The following KIFAP3 variants were observed in gnomAD, a reference collection of about 807,000 sequenced individuals.
KIFAP3 encodes the protein kinesin associated protein 3.
KIFAP3 carries 68 observed loss-of-function variants against 106.5 expected under a neutral mutation model. The observed-to-expected ratio is 0.64, with a 90% CI of 0.53 to 0.78. The LOEUF is 0.78. KIFAP3 is among the 30% of genes least tolerant of loss of function. KIFAP3 has a pLI of 0.00. For missense variants in KIFAP3, 780 were observed against 941.8 expected (o/e 0.83, Z 2.25); for synonymous variants, 320 against 311.5 (o/e 1.03, Z -0.29).
chr1:170,006,849 T>C (rs1667991108), intron 10 of KIFAP3, among the ~76,000 whole-genome samples: 1 of 152,128 alleles, frequency 6.6e-6, no homozygotes, highest in Admixed American at 6.6e-5. Flanking sequence ...TATTGCTATT[T>C]AGAAGACATC....
At chr1:170,038,546 G>T in intron 4 of KIFAP3, 115 bp from the exon 5 acceptor site, 1 of 1,068,858 alleles carries the variant, frequency 9.4e-7, no homozygotes, top group Non-Finnish European at 1.4e-6. Flanking sequence ...AATTTCCAAA[G>T]AACTCATAGT....
intron 7 of KIFAP3, 26 bp from the exon 8 acceptor site, chr1:170,032,010 ATACTCATT>A (rs11277624): frequency 0.18 from 252,214 of 1,412,932 alleles, 22,914 homozygotes; most frequent in Admixed American, 0.22. Context: ...AGGATCATCC[ATACTCATT>A]GAAGCAAAAA....
At chr1:169,922,328 T>C (rs1662873991) in intron 19 of KIFAP3, among the ~76,000 whole-genome samples, 2 of 152,206 alleles carry the variant, frequency 1.3e-5, no homozygotes, top group Non-Finnish European at 1.5e-5. Context: ...TTGACAAAAT[T>C]TGAAAATTAG....
intron 19 of KIFAP3, among the ~76,000 whole-genome samples, chr1:169,923,431 C>G (rs569670695): frequency 3.9e-5 from 6 of 152,258 alleles, no homozygotes; most frequent in African/African-American, 1.4e-4. Context: ...AGCACTAAGG[C>G]TAACAAGTAA....
intron 17 of KIFAP3, among the ~76,000 whole-genome samples, chr1:169,968,890 A>G (rs1485487604): frequency 6.6e-6 from 1 of 151,900 alleles, no homozygotes; most frequent in Non-Finnish European, 1.5e-5. Context: ...GTATAAAATT[A>G]TGTGTGTATA....
intron 5 of KIFAP3, 50 bp from the exon 6 acceptor site, chr1:170,035,603 T>C: frequency 1.7e-6 from 2 of 1,153,148 alleles, no homozygotes; most frequent in Non-Finnish European, 2.5e-6. Context: ...TGCTCTGGTA[T>C]AAAGGGTGAT....
chr1:170,016,597 C>G lies in KIFAP3; in HGVS notation c.1048G>C (p.Val350Leu), dbSNP rs751268450. 6.3e-7 allele frequency: 1 copy of G among 1,592,812 alleles called. No individual in the cohort carries two copies. The highest frequency in any genetic ancestry group is 8.5e-7 in the Non-Finnish European group (1 of 1,172,768). ...MVEMDIVEKL[V>L]KMIPCEHEDL... ...TCATGCTCACAAGGTATCATTTTCA[C>G]CAGTTTTTCAACAATATCCATTTCC... Residue 350 changes from valine (V) to leucine (L), a missense_variant, in exon 10 of 20, where the codon GTG becomes CTG. Physicochemically the swap from Val to Leu is conservative, Grantham distance 32. Around this residue, in one of 3 missense-constraint regions of KIFAP3, gnomAD observed 588 missense variants for 678.9 expected, o/e 0.87. Coordinates refer to ENST00000361580, the MANE Select transcript of KIFAP3 (RefSeq NM_014970.4).
At chr1:169,966,154 C>A (rs562376857) in intron 17 of KIFAP3, among the ~76,000 whole-genome samples, 2 of 151,870 alleles carry the variant, frequency 1.3e-5, no homozygotes, top group South Asian at 4.1e-4. Flanking sequence ...TTAATCTCTA[C>A]GACTAACATA....
At chr1:170,050,556 T>C (rs1320726500) in intron 2 of KIFAP3, among the ~76,000 whole-genome samples, 1 of 151,936 alleles carries the variant, frequency 6.6e-6, no homozygotes, top group Non-Finnish European at 1.5e-5. Flanking sequence ...TTCTCCAAGG[T>C]TGAAACAAAG....
chr1:170,032,010 A>T, intron 7 of KIFAP3, 26 bp from the exon 8 acceptor site: 1 of 1,416,078 alleles, frequency 7.1e-7, no homozygotes, highest in Non-Finnish European at 9.9e-7. Context: ...AGGATCATCC[A>T]TACTCATTGA....
chr1:169,985,553 G>T (rs1464875061), intron 11 of KIFAP3, among the ~76,000 whole-genome samples: 5 of 151,858 alleles, frequency 3.3e-5, no homozygotes, highest in Non-Finnish European at 4.4e-5. Context: ...TTAAAGGAAA[G>T]ATAGTAATTT....
intron 10 of KIFAP3, among the ~76,000 whole-genome samples, chr1:170,010,379 T>C (rs1668182927): frequency 1.3e-5 from 2 of 151,964 alleles, no homozygotes; most frequent in Admixed American, 1.3e-4. Context: ...CTGGTGTTAA[T>C]AGAAAAAGCT....
chr1:170,049,346 C>T (rs1002134474), intron 2 of KIFAP3, among the ~76,000 whole-genome samples: 4 of 152,224 alleles, frequency 2.6e-5, no homozygotes, highest in African/African-American at 9.7e-5. Flanking sequence ...AAACTCTCAT[C>T]TCCCTGGGAT....
At chr1:169,980,892 G>A (rs774301969) in intron 15 of KIFAP3, among the ~76,000 whole-genome samples, 4 of 151,900 alleles carry the variant, frequency 2.6e-5, no homozygotes, top group Admixed American at 6.6e-5. Context: ...ACCTGAGGTC[G>A]GGAGTTCAAG....
upstream of KIFAP3, among the ~76,000 whole-genome samples, chr1:170,077,154 T>C (rs182650758): frequency 1.6e-4 from 24 of 152,328 alleles, no homozygotes; most frequent in Non-Finnish European, 3.2e-4. Flanking sequence ...ATCAACGCCC[T>C]GTGTCTAGCT....
Position 170,074,375 on chromosome 1 carries a change from C to T in KIFAP3, c.32+61G>A, listed in dbSNP as rs1247049748. On this transcript the variant is annotated intron_variant, in intron 1 of 19. Transcript: ENST00000361580. ...TTGCCCAGTGACATCTCACAGCCAA[C>T]CCAAGAACATCTTCAGGGCCCTGGC... 7 of 1,595,112 alleles carry T rather than the reference C, an allele frequency of 4.4e-6. No homozygotes were observed. The East Asian group carries it at 1.6e-4, about 36-fold the overall frequency.
At chr1:170,071,512 T>G (rs1206723537) in intron 1 of KIFAP3, among the ~76,000 whole-genome samples, 1 of 152,246 alleles carries the variant, frequency 6.6e-6, no homozygotes, top group Non-Finnish European at 1.5e-5. Flanking sequence ...GGCATGACTC[T>G]GGCTTCCAGT....
chr1:169,963,397 CAG>C (rs1176350878), intron 17 of KIFAP3, among the ~76,000 whole-genome samples: 2 of 152,134 alleles, frequency 1.3e-5, no homozygotes. Flanking sequence ...TTATTGTAAA[CAG>C]TGCTGCAATG....
intron 1 of KIFAP3, among the ~76,000 whole-genome samples, chr1:170,083,894 T>A (rs1465507661): frequency 2.6e-5 from 4 of 152,208 alleles, no homozygotes; most frequent in Non-Finnish European, 5.9e-5. Context: ...AATTTTAAAG[T>A]TACATGAAAA....
Sources: gnomAD v4.1 joint callset for allele counts (sites outside exome capture counted in the v4.1 genomes callset) on GRCh38, gnomAD v4.1.1 for gene constraint, gnomAD v4.1.1 regional missense constraint, MANE v1.5 for transcripts, NCBI Gene and HGNC (gene_info 2026-07-23, HGNC 2026-07-21) for gene names.